Variants in DPYSL2 observed in about 807,000 individuals in gnomAD.
The protein encoded by DPYSL2 is dihydropyrimidinase like 2.
Under a neutral mutation model 69.9 loss-of-function variants are expected in DPYSL2, and 13 were observed. The observed-to-expected ratio is 0.19, with a 90% CI of 0.12 to 0.30. The LOEUF (loss-of-function observed/expected upper bound fraction) is 0.30. Ranked by LOEUF, DPYSL2 falls within the 10% of genes least tolerant of loss-of-function variation. The pLI, the probability that DPYSL2 is intolerant of heterozygous loss-of-function variation, is 1.00. For synonymous variants in DPYSL2, 326 were observed against 359.1 expected (o/e 0.91, Z 1.04); for missense variants, 587 against 918.9 (o/e 0.64, Z 4.67).
chr8:26,649,151 T>C (rs1340763139), intron 11 of DPYSL2, among the ~76,000 whole-genome samples: 1 of 152,168 alleles, frequency 6.6e-6, no homozygotes, highest in Non-Finnish European at 1.5e-5. Context: ...TTTGGGAAAA[T>C]AAATAAACGG....
Position 26,627,403 on chromosome 8 carries a change from G to T in DPYSL2, c.936+108G>T. On this transcript the variant is annotated intron_variant, in intron 6 of 13. Transcript: ENST00000521913. The surrounding 1 kb of genome is among the most constrained non-coding windows in gnomAD (Gnocchi z 6.9). ...TTAACACCAAGGTGGAAAAGCAGAG[G>T]GACCTGGTGTTCCCTTGCTGGAGCT... is the stretch of plus-strand genomic sequence containing the variant. The T allele has an allele frequency of 8.5e-7, 1 of 1,175,418 alleles. No homozygotes were observed. The highest frequency in any genetic ancestry group is 1.5e-5 in the African/African-American group (1 of 66,302). The allele number at this position is 1,175,418 out of a possible 1,614,324, so 72.8% of individuals were successfully genotyped here.
intron 1 of DPYSL2, among the ~76,000 whole-genome samples, chr8:26,524,566 G>A (rs1195177263): frequency 1.3e-5 from 2 of 152,186 alleles, no homozygotes; most frequent in East Asian, 1.9e-4. Context: ...GGAAGGTCAA[G>A]GTGGGCGGAT....
chr8:26,645,742 G>T (rs1803148926), intron 10 of DPYSL2, among the ~76,000 whole-genome samples: 1 of 152,020 alleles, frequency 6.6e-6, no homozygotes, highest in African/African-American at 2.4e-5. Flanking sequence ...TAGAGACAGG[G>T]TTTCACCATA....
Position 26,587,484 on chromosome 8 carries a change from A to G in DPYSL2, c.628+3501A>G, listed in dbSNP as rs559402369. ...CTGCTGGCTCTGCGTTTCCCAGGTC[A>G]CAGGCCCTGGAGACTCCTTTCTGTC... On this transcript the variant is annotated intron_variant, in intron 3 of 13. Coordinates refer to ENST00000521913, the MANE Select transcript of DPYSL2 (RefSeq NM_001197293.3). This position sits in a 1 kb window ranked among gnomAD's most constrained non-coding sequence, Gnocchi z 4.2. 9.2e-5 allele frequency among the ~76,000 whole-genome samples: 14 copies of G among 152,086 alleles called. No homozygotes were observed. The highest frequency in any genetic ancestry group is 1.9e-4 in the East Asian group (1 of 5,196).
In DPYSL2 at chr8:26,642,016, G is replaced by A. The variant is rs1421062544; in HGVS notation, c.1127-1423G>A. Among the ~76,000 whole-genome samples, 1 of 152,228 alleles carries A rather than the reference G, an allele frequency of 6.6e-6. No individual in the cohort carries two copies. The highest frequency in any genetic ancestry group is 2.4e-5 in the African/African-American group (1 of 41,456). On this transcript the variant is annotated intron_variant, in intron 8 of 13. Coordinates refer to ENST00000521913, the MANE Select transcript of DPYSL2 (RefSeq NM_001197293.3). This position sits in a 1 kb window ranked among gnomAD's most constrained non-coding sequence, Gnocchi z 5.3. ...GTGTGTTTGCCCTTGAGGGCCCTGT[G>A]TTTGGGGAAGTAGAGAAGCTTGGCT...
chr8:26,552,078 C>T (rs1800882266), intron 1 of DPYSL2, among the ~76,000 whole-genome samples: 1 of 152,130 alleles, frequency 6.6e-6, no homozygotes, highest in Non-Finnish European at 1.5e-5. Context: ...CCTCCCAAAA[C>T]ATTGGGATTA....
intron 3 of DPYSL2, among the ~76,000 whole-genome samples, chr8:26,611,829 C>T (rs1346916273): frequency 6.6e-6 from 1 of 152,210 alleles, no homozygotes; most frequent in Non-Finnish European, 1.5e-5. Context: ...CAGCTTCTCC[C>T]TGGACCCGGA....
chr8:26,653,321 C>T lies in DPYSL2; in HGVS notation c.1866C>T (p.Ser622=). 6.2e-7 allele frequency: 1 copy of T among 1,614,188 alleles called. No individual in the cohort carries two copies. Among genetic ancestry groups the T allele is most frequent in the African/African-American group, 1.3e-5 (1 of 75,052 alleles). ...SVTPKTVTPA[S]SAKTSPAKQQ... is the part of the protein sequence containing the mutation. The stretch of plus-strand genomic sequence containing the variant: ...CGCCCAAGACAGTCACTCCAGCCTC[C>T]TCGGCCAAGACGTCTCCTGCCAAGC... The change falls in exon 13 of 14, where the codon TCC becomes TCT. Residue 622 remains serine, a synonymous_variant. Coordinates refer to ENST00000521913, the MANE Select transcript of DPYSL2 (RefSeq NM_001197293.3). This position sits in a 1 kb window ranked among gnomAD's most constrained non-coding sequence, Gnocchi z 5.7.
Position 26,514,302 on chromosome 8 carries a change from G to A in DPYSL2, c.-24G>A. On this transcript the variant is annotated 5_prime_UTR_variant, in exon 1 of 14. Coordinates refer to ENST00000521913, the MANE Select transcript of DPYSL2 (RefSeq NM_001197293.3). This position sits in a 1 kb window ranked among gnomAD's most constrained non-coding sequence, Gnocchi z 8.4. ...TGGCAGACGGACGGACGGACGGCGA[G>A]GACCCTACCCGAGCCCCCGAGCCAT... 7.0e-7 allele frequency: 1 copy of A among 1,429,636 alleles called. No individual in the cohort carries two copies. The highest frequency in any genetic ancestry group is 9.1e-7 in the Non-Finnish European group (1 of 1,093,694). The allele number at this position is 1,429,636 out of a possible 1,614,324, so 88.6% of individuals were successfully genotyped here. A position where few individuals can be genotyped will look rare whatever the true frequency, so the allele number is the denominator to read the frequency against.
At position 26,598,407 on chromosome 8, in the gene DPYSL2, A is replaced by T. The variant is rs1801915284; in HGVS notation, c.628+14424A>T. ...CTGAATTTCTTTTCTTGCTAAGCCT[A>T]TTCAGCTCTGTTTTTTAGAGAGTTC... is the stretch of plus-strand genomic sequence containing the variant. On this transcript the variant is annotated intron_variant, in intron 3 of 13. Transcript: ENST00000521913. The surrounding 1 kb of genome is among the most constrained non-coding windows in gnomAD (Gnocchi z 4.2). Among the ~76,000 whole-genome samples the T allele has an allele frequency of 6.6e-6, 1 of 152,136 alleles. No homozygotes were observed. The highest frequency in any genetic ancestry group is 1.5e-5 in the Non-Finnish European group (1 of 68,022).
intron 3 of DPYSL2, among the ~76,000 whole-genome samples, chr8:26,584,776 C>T (rs1024652731): frequency 1.3e-5 from 2 of 152,038 alleles, no homozygotes; most frequent in Non-Finnish European, 2.9e-5. Flanking sequence ...TGCACCCCCA[C>T]GCTTGGCTAA....
chr8:26,582,670 C>T lies in DPYSL2; in HGVS notation c.443+613C>T, dbSNP rs1196839935. 5.9e-5 allele frequency among the ~76,000 whole-genome samples: 9 copies of T among 152,250 alleles called. 1 individual carries two copies. The highest frequency in any genetic ancestry group is 1.9e-4 in the East Asian group (1 of 5,186). ...GTTCCTGAGTTTGGGTATTTTTGGA[C>T]GCCAGAGGGTTAAGGAAGCTGAGTT... On this transcript the variant is annotated intron_variant, in intron 2 of 13. Coordinates refer to ENST00000521913, the MANE Select transcript of DPYSL2 (RefSeq NM_001197293.3). This position sits in a 1 kb window ranked among gnomAD's most constrained non-coding sequence, Gnocchi z 4.1.
rs912982678 is a variant in DPYSL2, at chr8:26,624,770, C to A, written c.793+463C>A. 3.3e-5 allele frequency among the ~76,000 whole-genome samples: 5 copies of A among 152,210 alleles called. No individual in the cohort carries two copies. Among genetic ancestry groups the A allele is most frequent in the Non-Finnish European group, 7.3e-5 (5 of 68,042 alleles). ...TTGAGGGCTATGAGACACTTCAAAA[C>A]TGAGTGACAACCTGAGAGGGCTTTT... On this transcript the variant is annotated intron_variant, in intron 4 of 13. Transcript: ENST00000521913. The surrounding 1 kb of genome is among the most constrained non-coding windows in gnomAD (Gnocchi z 4.7).
intron 3 of DPYSL2, among the ~76,000 whole-genome samples, chr8:26,602,995 A>G (rs1281401371): frequency 6.6e-6 from 1 of 152,164 alleles, no homozygotes; most frequent in Admixed American, 6.5e-5. Context: ...GGGAGTGTCC[A>G]CCCAAGAGAG....
intron 7 of DPYSL2, among the ~76,000 whole-genome samples, chr8:26,633,276 C>A (rs1240161032): frequency 6.6e-6 from 1 of 152,190 alleles, no homozygotes; most frequent in Non-Finnish European, 1.5e-5. Context: ...AGAGTTCAAG[C>A]CAGAGCCCTT....
intron 1 of DPYSL2, among the ~76,000 whole-genome samples, chr8:26,528,811 A>T (rs1800429395): frequency 6.6e-6 from 1 of 152,066 alleles, no homozygotes; most frequent in Admixed American, 6.6e-5. Flanking sequence ...AAGAGCCTTT[A>T]TTGTGGTTTC....
intron 3 of DPYSL2, among the ~76,000 whole-genome samples, chr8:26,595,288 TAA>T (rs1462543334): frequency 1.3e-5 from 2 of 151,940 alleles, no homozygotes; most frequent in Non-Finnish European, 2.9e-5. Context: ...TGCAAGAAAA[TAA>T]AAATTTTACT....
At position 26,644,511 on chromosome 8, in the gene DPYSL2, A is replaced by T. The variant is rs1803120114; in HGVS notation, c.1425+420A>T. ...TTTTTGTGGAGATGGGGGTCTCACT[A>T]TGTTGCCCAGGCTGGTCTCGAGTTC... On this transcript the variant is annotated intron_variant, in intron 10 of 13. Transcript: ENST00000521913. This position sits in a 1 kb window ranked among gnomAD's most constrained non-coding sequence, Gnocchi z 4.5. Among the ~76,000 whole-genome samples, 1 of 151,582 alleles carries T rather than the reference A, an allele frequency of 6.6e-6. No individual in the cohort carries two copies. Among genetic ancestry groups the T allele is most frequent in the South Asian group, 2.1e-4 (1 of 4,796 alleles).
chr8:26,551,799 T>C (rs1343841378), intron 1 of DPYSL2, among the ~76,000 whole-genome samples: 4 of 152,124 alleles, frequency 2.6e-5, no homozygotes. Flanking sequence ...CCCAAATATT[T>C]TAAGAATATA....
Sources: gnomAD v4.1 joint callset for allele counts (sites outside exome capture counted in the v4.1 genomes callset) on GRCh38, gnomAD v4.1.1 for gene constraint, Gnocchi (gnomAD v3.1) non-coding constraint, MANE v1.5 for transcripts, NCBI Gene and HGNC (gene_info 2026-07-23, HGNC 2026-07-21) for gene names.